SMAD5: variants seen among roughly 807,000 people sequenced by gnomAD.
The protein encoded by SMAD5 is MAD, mothers against decapentaplegic homolog 5.
A neutral mutation model predicts 43.1 loss-of-function variants in SMAD5; 9 were observed. That is an observed-to-expected ratio of 0.21 (90% CI 0.13 to 0.36). The LOEUF is 0.36. Among genes scored for constraint, SMAD5 ranks in the 10% least tolerant of loss-of-function variants. The pLI is 1.00. For missense variants in SMAD5, 348 were observed against 574.0 expected (o/e 0.61, Z 4.02); for synonymous variants, 190 against 192.4 (o/e 0.99, Z 0.10).
chr5:136,170,842 T>C (rs946113606), intron 5 of SMAD5, among the ~76,000 whole-genome samples: 6 of 152,128 alleles, frequency 3.9e-5, no homozygotes, highest in African/African-American at 1.4e-4. Flanking sequence ...ATGTAAATTA[T>C]AATTTTTTTA....
chr5:136,166,690 A>G (rs1439385061), intron 5 of SMAD5, among the ~76,000 whole-genome samples: 1 of 152,234 alleles, frequency 6.6e-6, no homozygotes, highest in Non-Finnish European at 1.5e-5. Context: ...TTTAGCACAC[A>G]ACATTAGGCC....
intron 3 of SMAD5, among the ~76,000 whole-genome samples, chr5:136,159,793 A>G (rs141645688): frequency 2.2e-3 from 328 of 152,368 alleles, no homozygotes; most frequent in African/African-American, 7.7e-3. Flanking sequence ...ACAATAGACA[A>G]AAATAGCACA....
intron 3 of SMAD5, among the ~76,000 whole-genome samples, chr5:136,160,421 C>T (rs1445728386): frequency 1.3e-5 from 2 of 152,132 alleles, no homozygotes; most frequent in African/African-American, 4.8e-5. Flanking sequence ...TCCCCTTCTA[C>T]CTCTTCCCAG....
At chr5:136,150,143 A>C (rs1580773202) in intron 2 of SMAD5, among the ~76,000 whole-genome samples, 1 of 148,192 alleles carries the variant, frequency 6.7e-6, no homozygotes, top group South Asian at 2.1e-4. Context: ...TGTTCTTTTC[A>C]CTCTGTTGCA....
chr5:136,175,681 G>A (rs1754391357), intron 7 of SMAD5, among the ~76,000 whole-genome samples: 1 of 152,172 alleles, frequency 6.6e-6, no homozygotes, highest in Non-Finnish European at 1.5e-5. Context: ...AAGAGCACCT[G>A]TCACACGCTG....
chr5:136,139,784 C>A (rs1753011828), intron 1 of SMAD5, among the ~76,000 whole-genome samples: 1 of 152,176 alleles, frequency 6.6e-6, no homozygotes, highest in Non-Finnish European at 1.5e-5. Context: ...CTACCTTGAC[C>A]TCTTGGGCTC....
At chr5:136,172,354 G>T in intron 5 of SMAD5, 80 bp from the exon 6 acceptor site, 1 of 783,680 alleles carries the variant, frequency 1.3e-6, no homozygotes, top group Non-Finnish European at 2.0e-6. Flanking sequence ...TAATACTTGG[G>T]TTGGGTTAAA....
intron 1 of SMAD5, among the ~76,000 whole-genome samples, chr5:136,145,150 G>C (rs1415438343): frequency 6.6e-6 from 1 of 151,214 alleles, no homozygotes; most frequent in Non-Finnish European, 1.5e-5. Context: ...AACATTAACT[G>C]TCTTACAGTT....
At chr5:136,137,071 A>G (rs1752908991) in intron 1 of SMAD5, among the ~76,000 whole-genome samples, 1 of 132,030 alleles carries the variant, frequency 7.6e-6, no homozygotes, top group South Asian at 2.3e-4. Context: ...TTTTTGGCCC[A>G]GTTCTAGTAG....
Position 136,177,710 on chromosome 5 carries a change from GC to G in SMAD5, c.*234del. 2.4e-6 allele frequency: 1 copy of G among 411,270 alleles called. No individual in the cohort carries two copies. Among genetic ancestry groups the G allele is most frequent in the Non-Finnish European group, 4.3e-6 (1 of 233,390 alleles). The allele number at this position is 411,270 out of a possible 1,614,324, so 25.5% of individuals were successfully genotyped here. A position where few individuals can be genotyped will look rare whatever the true frequency, so the allele number is the denominator to read the frequency against. ...GTAAAAGATGCAGAGTAAGTATTATGCCCCAGTTCAGAAATTTGGCATTGAT... is the reference window on the plus strand; with the variant it reads ...GTAAAAGATGCAGAGTAAGTATTATGCCCAGTTCAGAAATTTGGCATTGAT... On this transcript the variant is annotated 3_prime_UTR_variant, in exon 8 of 8. Transcript: ENST00000545279.
At chr5:136,165,662 A>ATTTTTTTTTTTTTTTT (rs58156387) in intron 5 of SMAD5, among the ~76,000 whole-genome samples, 2 of 65,452 alleles carry the variant, frequency 3.1e-5, no homozygotes, top group African/African-American at 5.5e-5. Flanking sequence ...GAATCATACA[A>ATTTTTTTTTTTTTTTT]TTTTTTTTTT....
At chr5:136,141,928 G>A (rs1580763122) in intron 1 of SMAD5, among the ~76,000 whole-genome samples, 1 of 151,456 alleles carries the variant, frequency 6.6e-6, no homozygotes, top group Admixed American at 6.6e-5. Context: ...TATGGCTGAG[G>A]TATAGCTGCA....
chr5:136,157,477 T>A (rs1333769355), intron 3 of SMAD5, among the ~76,000 whole-genome samples: 1 of 152,162 alleles, frequency 6.6e-6, no homozygotes, highest in African/African-American at 2.4e-5. Context: ...TTGTAATATG[T>A]AATGAAATAA....
In SMAD5 at chr5:136,146,080, G is replaced by C. The variant is rs199885423; in HGVS notation, c.-244-1752G>C. 5.9e-5 allele frequency among the ~76,000 whole-genome samples: 9 copies of C among 151,930 alleles called. No homozygotes were observed. In the East Asian group the frequency reaches 1.7e-3, roughly 29 times the overall value. ...TTTGTGACTATTTAGAGTTAGTCTG[G>C]ATCTGATTTATATTTCAACTCTTTA... On this transcript the variant is annotated intron_variant, in intron 1 of 7. Transcript: ENST00000545279.
rs1463076211 is a variant in SMAD5, at chr5:136,180,074, G to A, written c.*2594G>A. ...CTAAGAGTTTGACAGAGAACTATAA[G>A]CCTGTTGTATCTCCTAAAAGTTGTC... On this transcript the variant is annotated 3_prime_UTR_variant, in exon 8 of 8. Transcript: ENST00000545279. 1 of 152,102 alleles carries A rather than the reference G, an allele frequency of 6.6e-6. No homozygotes were observed. The highest frequency in any genetic ancestry group is 6.5e-5 in the Admixed American group (1 of 15,274). 9.4% of individuals were successfully genotyped at this position (152,102 alleles called of 1,614,324 possible).
At chr5:136,172,207 A>G (rs963426870) in intron 5 of SMAD5, among the ~76,000 whole-genome samples, 2 of 152,170 alleles carry the variant, frequency 1.3e-5, no homozygotes, top group African/African-American at 2.4e-5. Flanking sequence ...AGCTACGACT[A>G]TTGCCGATCC....
intron 5 of SMAD5, among the ~76,000 whole-genome samples, chr5:136,171,465 T>C (rs1754215440): frequency 6.6e-6 from 1 of 152,174 alleles, no homozygotes; most frequent in Non-Finnish European, 1.5e-5. Flanking sequence ...ACCCAGAGGG[T>C]TGGGAGGGTA....
At chr5:136,150,208 C>T (rs1195003023) in intron 2 of SMAD5, among the ~76,000 whole-genome samples, 1 of 151,632 alleles carries the variant, frequency 6.6e-6, no homozygotes, top group Non-Finnish European at 1.5e-5. Flanking sequence ...CTCATCTTTA[C>T]CTGGCTAAAC....
At chr5:136,136,354 T>G (rs1947705397) in intron 1 of SMAD5, among the ~76,000 whole-genome samples, 1 of 152,128 alleles carries the variant, frequency 6.6e-6, no homozygotes, top group Admixed American at 6.5e-5. Flanking sequence ...ATTTTTGTAT[T>G]TTTAGTAGAG....
Sources: gnomAD v4.1 joint callset for allele counts (sites outside exome capture counted in the v4.1 genomes callset) on GRCh38, gnomAD v4.1.1 for gene constraint, MANE v1.5 for transcripts, NCBI Gene and HGNC (gene_info 2026-07-23, HGNC 2026-07-21) for gene names.